AGBL3: variants seen among roughly 807,000 people sequenced by gnomAD.
AGBL3 encodes the protein cytosolic carboxypeptidase 3.
A neutral mutation model predicts 94.5 loss-of-function variants in AGBL3; 68 were observed. The observed-to-expected ratio is 0.72, with a 90% CI of 0.59 to 0.88. The LOEUF (loss-of-function observed/expected upper bound fraction) is 0.88, where lower values mean the gene tolerates loss of function less well. Among genes scored for constraint, AGBL3 ranks in the 40% least tolerant of loss-of-function variants. The pLI is 0.00. For missense variants in AGBL3, 934 were observed against 1,103.8 expected, an observed-to-expected ratio of 0.85 and a Z score of 2.18; for synonymous variants, 354 against 370.7, an observed-to-expected ratio of 0.95 and a Z score of 0.52.
At chr7:134,999,682 G>T (rs901663181) in intron 4 of AGBL3, among the ~76,000 whole-genome samples, 7 of 152,200 alleles carry the variant, frequency 4.6e-5, no homozygotes, top group African/African-American at 1.7e-4. Context: ...GCATCTAATA[G>T]ACTAGTTTTT....
intron 15 of AGBL3, among the ~76,000 whole-genome samples, chr7:135,100,384 A>G (rs1483267705): frequency 6.6e-6 from 1 of 152,172 alleles, no homozygotes; most frequent in East Asian, 1.9e-4. Context: ...TTTTGTCTAA[A>G]CCAGTAATTA....
intron 16 of AGBL3, among the ~76,000 whole-genome samples, chr7:135,125,647 A>T (rs1234093897): frequency 6.6e-6 from 1 of 152,240 alleles, no homozygotes; most frequent in Admixed American, 6.5e-5. Flanking sequence ...AATCCTCAAT[A>T]AAATACTGGC....
intron 16 of AGBL3, among the ~76,000 whole-genome samples, chr7:135,122,332 T>C (rs4732100): frequency 0.49 from 73,808 of 152,060 alleles, 18,288 homozygotes; most frequent in South Asian, 0.65. Flanking sequence ...GGTGGGGCTT[T>C]CCTGCAGGAA....
At chr7:135,032,529 G>A (rs910968331) in intron 5 of AGBL3, among the ~76,000 whole-genome samples, 5 of 151,050 alleles carry the variant, frequency 3.3e-5, no homozygotes, top group African/African-American at 1.2e-4. Flanking sequence ...GTTGCCCAGG[G>A]TGGTCTCGAA....
chr7:135,070,255 T>C (rs1819761419), intron 12 of AGBL3, among the ~76,000 whole-genome samples: 1 of 152,070 alleles, frequency 6.6e-6, no homozygotes, highest in Non-Finnish European at 1.5e-5. Context: ...CCAGAAAAAG[T>C]CCAGGACCAG....
intron 15 of AGBL3, among the ~76,000 whole-genome samples, chr7:135,104,351 A>G (rs1824321437): frequency 6.6e-6 from 1 of 152,166 alleles, no homozygotes; most frequent in African/African-American, 2.4e-5. Context: ...TGTCTTTGCT[A>G]TTATTCACAA....
intron 16 of AGBL3, among the ~76,000 whole-genome samples, chr7:135,133,097 AC>A (rs1829022040): frequency 7.0e-6 from 1 of 142,550 alleles, no homozygotes; most frequent in Non-Finnish European, 1.6e-5. Flanking sequence ...ACACACACAC[AC>A]AACCTTTAGA....
intron 16 of AGBL3, among the ~76,000 whole-genome samples, chr7:135,117,765 T>C (rs1484260681): frequency 6.6e-6 from 1 of 152,202 alleles, no homozygotes; most frequent in Admixed American, 6.5e-5. Flanking sequence ...CAGATACTTT[T>C]GGGGGTGTCT....
chr7:134,993,628 C>A lies in AGBL3; in HGVS notation c.260C>A (p.Thr87Lys), dbSNP rs1810593317. 1 of 1,552,172 alleles carries A rather than the reference C, an allele frequency of 6.4e-7. No individual in the cohort carries two copies. Among genetic ancestry groups the A allele is most frequent in the African/African-American group, 1.4e-5 (1 of 73,172 alleles). ...GVSSSGPLSP[T>K]RWPYHCEVID... ...TCTTCTTCTGGTCCATTGAGCCCAA[C>A]ACGGTGGCCATACCATTGTGAAGTC... Residue 87 changes from threonine (T) to lysine (K), a missense_variant, in exon 4 of 17, where the codon ACA becomes AAA. Transcript: ENST00000436302.
intron 12 of AGBL3, among the ~76,000 whole-genome samples, chr7:135,066,326 T>G (rs1281175565): frequency 2.0e-5 from 3 of 152,182 alleles, no homozygotes; most frequent in Non-Finnish European, 4.4e-5. Flanking sequence ...AGTACTTGAA[T>G]AGACATTTCT....
chr7:135,106,431 T>C (rs1171217275), intron 15 of AGBL3, among the ~76,000 whole-genome samples: 4 of 152,234 alleles, frequency 2.6e-5, no homozygotes, highest in Non-Finnish European at 5.9e-5. Context: ...GGAGGAATGT[T>C]GAATTTTATC....
intron 12 of AGBL3, among the ~76,000 whole-genome samples, chr7:135,065,956 T>C (rs1460600183): frequency 6.6e-6 from 1 of 152,076 alleles, no homozygotes; most frequent in Non-Finnish European, 1.5e-5. Flanking sequence ...TGGACCTTTA[T>C]ACTACACACA....
At chr7:135,048,798 A>G (rs946496294) in intron 11 of AGBL3, among the ~76,000 whole-genome samples, 1 of 151,232 alleles carries the variant, frequency 6.6e-6, no homozygotes, top group African/African-American at 2.4e-5. Context: ...ATATACATAT[A>G]TAAGATCATG....
chr7:135,038,353 C>A (rs1816508598), intron 8 of AGBL3, among the ~76,000 whole-genome samples: 1 of 152,174 alleles, frequency 6.6e-6, no homozygotes, highest in African/African-American at 2.4e-5. Context: ...TTCATTTCCT[C>A]AGCAAGAAAG....
intron 15 of AGBL3, among the ~76,000 whole-genome samples, chr7:135,112,213 T>A (rs1825741051): frequency 6.6e-6 from 1 of 152,220 alleles, no homozygotes; most frequent in African/African-American, 2.4e-5. Context: ...GCCTCCTAAT[T>A]TGTCTCCCTG....
intron 4 of AGBL3, among the ~76,000 whole-genome samples, chr7:135,002,186 G>A (rs28622936): frequency 0.054 from 8,253 of 152,230 alleles, 302 homozygotes; most frequent in Middle Eastern, 0.17. Context: ...AAAAGGACTC[G>A]AGAAATTCAG....
chr7:135,119,248 G>A (rs80279843), intron 16 of AGBL3, among the ~76,000 whole-genome samples: 7 of 146,396 alleles, frequency 4.8e-5, no homozygotes, highest in African/African-American at 1.0e-4. Context: ...TTTTTTTTTT[G>A]AGACAAAGTC....
intron 15 of AGBL3, among the ~76,000 whole-genome samples, chr7:135,106,940 G>A (rs1292730085): frequency 6.6e-6 from 1 of 152,066 alleles, no homozygotes; most frequent in African/African-American, 2.4e-5. Context: ...GTTCAGTCTT[G>A]GGAGGGTGTA....
intron 5 of AGBL3, among the ~76,000 whole-genome samples, chr7:135,019,251 C>G (rs936097084): frequency 6.6e-6 from 1 of 152,084 alleles, no homozygotes; most frequent in Non-Finnish European, 1.5e-5. Context: ...AATGCTGTGT[C>G]ATATATATAT....
Sources: gnomAD v4.1 joint callset for allele counts (sites outside exome capture counted in the v4.1 genomes callset) on GRCh38, gnomAD v4.1.1 for gene constraint, MANE v1.5 for transcripts, NCBI Gene and HGNC (gene_info 2026-07-23, HGNC 2026-07-21) for gene names.